Variants in PPEF1 observed in about 807,000 individuals in gnomAD.
The protein encoded by PPEF1 is serine/threonine-protein phosphatase with EF-hands 1.
PPEF1 carries 12 observed loss-of-function variants against 53.3 expected under a neutral mutation model. That is an observed-to-expected ratio of 0.23 (90% CI 0.14 to 0.36). The LOEUF is 0.36. PPEF1 is among the 10% of genes least tolerant of loss of function. The probability of loss-of-function intolerance (pLI) is 1.00; values close to 1 mark genes in which losing one functional copy is unlikely to be tolerated. For synonymous variants in PPEF1, 165 were observed against 176.7 expected, an observed-to-expected ratio of 0.93 and a Z score of 0.52; for missense variants, 334 against 490.4, an observed-to-expected ratio of 0.68 and a Z score of 3.01.
intron 1 of PPEF1, among the ~76,000 whole-genome samples, chrX:18,718,054 G>T (rs2044498350): frequency 8.9e-6 from 1 of 111,745 alleles, no homozygotes; most frequent in Non-Finnish European, 1.9e-5. Context: ...TGTTGGCCTG[G>T]AGGTTTGTAT....
intron 6 of PPEF1, among the ~76,000 whole-genome samples, chrX:18,763,099 T>C (rs1414897434): frequency 1.8e-5 from 2 of 112,086 alleles, no homozygotes; most frequent in African/African-American, 6.5e-5. Context: ...TCTAAAGACG[T>C]AAGTGATTAA....
chrX:18,698,138 T>C (rs1488442892), intron 5 of PPEF1, among the ~76,000 whole-genome samples: 1 of 112,003 alleles, frequency 8.9e-6, no homozygotes, highest in African/African-American at 3.2e-5. Context: ...AATTTAAAAG[T>C]ACCTAGAACA....
At chrX:18,769,620 T>A (rs2045835870) in intron 6 of PPEF1, among the ~76,000 whole-genome samples, 1 of 111,483 alleles carries the variant, frequency 9.0e-6, no homozygotes, top group African/African-American at 3.3e-5. Context: ...GTTTTCCTTT[T>A]TTTTCTCTCT....
At chrX:18,773,288 G>A (rs1456765619) in intron 6 of PPEF1, among the ~76,000 whole-genome samples, 1 of 111,729 alleles carries the variant, frequency 9.0e-6, no homozygotes, top group Non-Finnish European at 1.9e-5. Flanking sequence ...TTCATAAAGT[G>A]CCTTTTATTA....
At position 18,779,163 on chromosome X, in the gene PPEF1, A is replaced by G; in HGVS notation, c.712A>G (p.Met238Val). The G allele has an allele frequency of 8.3e-7, 1 of 1,204,739 alleles. No individual in the cohort carries two copies. The highest frequency in any genetic ancestry group is 1.1e-6 in the Non-Finnish European group (1 of 892,065). The change falls in exon 7 of 16, where the codon ATG (methionine) becomes GTG (valine). Residue 238 changes from methionine to valine, a missense_variant. Coordinates refer to ENST00000470157, the MANE Select transcript of PPEF1 (RefSeq NM_001377996.1). ...GAACAGAGGGAACCACGAAGATTTT[A>G]TGATGAATCTGAGGTAACCCAGGCC... ...HLNRGNHEDF[M>V]MNLRYGFTKE...
At chrX:18,734,591 G>A (rs1171098441) in intron 3 of PPEF1, among the ~76,000 whole-genome samples, 1 of 111,075 alleles carries the variant, frequency 9.0e-6, no homozygotes, top group Admixed American at 9.7e-5. Flanking sequence ...ATAAACATAC[G>A]TGTGCATGTC....
At chrX:18,766,323 T>G (rs1159790768) in intron 6 of PPEF1, among the ~76,000 whole-genome samples, 1 of 111,236 alleles carries the variant, frequency 9.0e-6, no homozygotes, top group Non-Finnish European at 1.9e-5. Flanking sequence ...TTTTCTGTCT[T>G]ATTTATTTTT....
rs2047154041 is a variant in PPEF1 at position 18,825,775 on chromosome X, C to G, written c.1690C>G (p.Leu564Val). The G allele has an allele frequency of 1.0e-5, 12 of 1,200,652 alleles. No individual in the cohort carries two copies. Among genetic ancestry groups the G allele is most frequent in the Non-Finnish European group, 1.3e-5 (12 of 889,486 alleles). Reference sequence around the variant, plus strand: ...GGCTCATTCTACTCTAGTTGAAACTCTGTACAGATACAGATCTGACCTGGA... The same window carrying G: ...GGCTCATTCTACTCTAGTTGAAACTGTGTACAGATACAGATCTGACCTGGA... ...QEAHSTLVET[L>V]YRYRSDLEII... The change falls in exon 15 of 16, where the codon CTG becomes GTG. Residue 564 changes from leucine (L) to valine (V), a missense_variant. Transcript: ENST00000470157.
chrX:18,808,051 C>T (rs889923402), intron 12 of PPEF1, among the ~76,000 whole-genome samples: 1 of 104,626 alleles, frequency 9.6e-6, no homozygotes, highest in Non-Finnish European at 1.9e-5. Flanking sequence ...ACTGCAACCT[C>T]TGCCTCTTGG....
At chrX:18,735,222 T>C (rs1182726311) in intron 3 of PPEF1, among the ~76,000 whole-genome samples, 104 of 111,731 alleles carry the variant, frequency 9.3e-4, no homozygotes, top group Non-Finnish European at 1.5e-3. Flanking sequence ...TCCTGAATGG[T>C]ATTGCCTAGG....
intron 6 of PPEF1, 22 bp downstream of exon 6, chrX:18,761,598 T>C: frequency 8.6e-7 from 1 of 1,158,623 alleles, no homozygotes; most frequent in Middle Eastern, 2.4e-4. Context: ...TTTTGCTAAA[T>C]ATTAACATTT....
At position 18,779,109 on chromosome X, in the gene PPEF1, T is replaced by G; in HGVS notation, c.658T>G (p.Phe220Val). The G allele has an allele frequency of 8.3e-7, 1 of 1,208,072 alleles. No individual in the cohort carries two copies. Among genetic ancestry groups the G allele is most frequent in the Non-Finnish European group, 1.1e-6 (1 of 892,433 alleles). The change falls in exon 7 of 16, where the codon TTT becomes GTT. Residue 220 changes from phenylalanine to valine, a missense_variant. By Grantham distance (50) the Phe-to-Val change is conservative. Transcript: ENST00000470157. ...IEILMILCVS[F>V]LVYPNDLHLN... ...GATCCTAATGATCCTGTGTGTGAGT[T>G]TTCTTGTCTACCCCAATGACCTGCA...
chrX:18,707,963 C>T (rs2044237840), intron 1 of PPEF1, 137 bp downstream of exon 1: 1 of 476,613 alleles, frequency 2.1e-6, no homozygotes, highest in Admixed American at 4.0e-5. Flanking sequence ...GTTAGAGTAG[C>T]ATAGGAAACT....
chrX:18,680,497 C>T (rs1292949720), upstream of PPEF1, among the ~76,000 whole-genome samples: 7 of 96,296 alleles, frequency 7.3e-5, no homozygotes, highest in Admixed American at 2.6e-4. Flanking sequence ...GGCGTGATCT[C>T]GGTTCACTGC....
intron 9 of PPEF1, among the ~76,000 whole-genome samples, 162 bp downstream of exon 9, chrX:18,784,210 T>C (rs2046154514): frequency 8.9e-6 from 1 of 112,007 alleles, no homozygotes; most frequent in African/African-American, 3.2e-5. Flanking sequence ...AAGAAAAATC[T>C]ATGACTGCAT....
At chrX:18,822,396 A>G (rs1181925511) in intron 13 of PPEF1, among the ~76,000 whole-genome samples, 1 of 111,383 alleles carries the variant, frequency 9.0e-6, no homozygotes, top group Non-Finnish European at 1.9e-5. Context: ...GTAGGAATAA[A>G]TTGATAGCTG....
At chrX:18,698,462 A>G (rs1167821937) in intron 5 of PPEF1, among the ~76,000 whole-genome samples, 5 of 111,506 alleles carry the variant, frequency 4.5e-5, no homozygotes, top group African/African-American at 1.6e-4. Flanking sequence ...TTTGGTGAGT[A>G]CCTCTTTTGC....
At chrX:18,767,986 T>G (rs2045810758) in intron 6 of PPEF1, among the ~76,000 whole-genome samples, 1 of 111,614 alleles carries the variant, frequency 9.0e-6, no homozygotes, top group African/African-American at 3.3e-5. Context: ...CTCACTGTAA[T>G]GCTTTGTACT....
intron 1 of PPEF1, among the ~76,000 whole-genome samples, chrX:18,711,092 G>GTATATA (rs58474400): frequency 5.1e-4 from 50 of 98,914 alleles, no homozygotes; most frequent in African/African-American, 1.7e-3. Context: ...GTGTGTGTGT[G>GTATATA]TATATATATA....
Sources: gnomAD v4.1 joint callset for allele counts (sites outside exome capture counted in the v4.1 genomes callset) on GRCh38, gnomAD v4.1.1 for gene constraint, MANE v1.5 for transcripts, NCBI Gene and HGNC (gene_info 2026-07-23, HGNC 2026-07-21) for gene names.